Variants in CLASP2 observed in about 807,000 individuals in gnomAD.
CLASP2 encodes the protein cytoplasmic linker associated protein 2, also known as CLIP-associating protein 2.
Under a neutral mutation model 194.4 loss-of-function variants are expected in CLASP2, and 47 were observed. The ratio of observed to expected loss-of-function variants is 0.24; its 90% CI spans 0.19 to 0.31. The LOEUF is 0.31. CLASP2 is among the 10% of genes least tolerant of loss of function. CLASP2 has a pLI of 1.00. For synonymous variants in CLASP2, 619 were observed against 633.5 expected (o/e 0.98, Z 0.34); for missense variants, 1,445 against 1,823.6 (o/e 0.79, Z 3.78).
At chr3:33,641,045 A>G (rs1234906471) in intron 8 of CLASP2, among the ~76,000 whole-genome samples, 1 of 152,042 alleles carries the variant, frequency 6.6e-6, no homozygotes, top group Admixed American at 6.6e-5. Context: ...CCCTCTTATT[A>G]GATAAATGAC....
In CLASP2 at chr3:33,688,147, T is replaced by C. The variant is rs184075827; in HGVS notation, c.470+130A>G. ...ACACAAAAAATGAACAGTAAAGGTA[T>C]CAAATGAAGTTATATGCTTTAATAA... is the stretch of plus-strand genomic sequence containing the variant. On this transcript the variant is annotated intron_variant, in intron 4 of 38. Transcript: ENST00000682230. The C allele has an allele frequency of 2.5e-3, 1,479 of 600,248 alleles. 3 individuals carry two copies. The highest frequency in any genetic ancestry group is 3.2e-3 in the Non-Finnish European group (1,146 of 353,736). The allele number at this position is 600,248 out of a possible 1,614,324, so 37.2% of individuals were successfully genotyped here. A position where few individuals can be genotyped will look rare whatever the true frequency, so the allele number is the denominator to read the frequency against.
chr3:33,516,279 T>C (rs1299433597), intron 35 of CLASP2, 128 bp from the exon 36 acceptor site: 2 of 643,920 alleles, frequency 3.1e-6, no homozygotes, highest in East Asian at 6.3e-5. Context: ...AAGTATGCGG[T>C]ATACTATGTA....
At chr3:33,529,984 CAA>C (rs1169927619) in intron 34 of CLASP2, among the ~76,000 whole-genome samples, 12 of 32,242 alleles carry the variant, frequency 3.7e-4, no homozygotes, top group Admixed American at 1.9e-3. Context: ...GACTCCGTCT[CAA>C]AAAAAAAAAA....
At chr3:33,566,196 A>G (rs187159698) in intron 27 of CLASP2, among the ~76,000 whole-genome samples, 2 of 152,358 alleles carry the variant, frequency 1.3e-5, no homozygotes, top group East Asian at 3.9e-4. Context: ...CTATGCTAAT[A>G]TAAAACTAGT....
At position 33,498,580 on chromosome 3, in the gene CLASP2, G is replaced by A. The variant is rs756381198; in HGVS notation, c.*51C>T. The A allele has an allele frequency of 6.9e-5, 76 of 1,106,462 alleles. No homozygotes were observed. Among genetic ancestry groups the A allele is most frequent in the Non-Finnish European group, 1.0e-4 (73 of 728,998 alleles). 68.5% of individuals were successfully genotyped at this position (1,106,462 alleles called of 1,614,324 possible). ...AGAACTTCCTTTCATTGATGAGGGT[G>A]GTCTATCTGTCCTTTCTTTTGAGAG... On this transcript the variant is annotated 3_prime_UTR_variant, in exon 39 of 39. Transcript: ENST00000682230.
chr3:33,505,375 G>A (rs2047893399), intron 37 of CLASP2: 1 of 152,112 alleles, frequency 6.6e-6, no homozygotes, highest in Non-Finnish European at 1.5e-5. Flanking sequence ...CATGGGGGAT[G>A]GTAGGCAGTT....
At chr3:33,584,636 T>C (rs1036053133) in intron 22 of CLASP2, 114 bp downstream of exon 22, 5 of 955,190 alleles carry the variant, frequency 5.2e-6, no homozygotes, top group Non-Finnish European at 5.9e-6. Context: ...TTTAAGTTAT[T>C]TTCTTCTAAT....
chr3:33,681,124 C>CAAAA (rs10710771), intron 6 of CLASP2, among the ~76,000 whole-genome samples: 8 of 96,086 alleles, frequency 8.3e-5, no homozygotes, highest in Middle Eastern at 5.8e-3. Context: ...GACTCCATCT[C>CAAAA]AAAAAAAAAA....
rs1395565888 is a variant in CLASP2 at position 33,497,731 on chromosome 3, G to A, written c.*900C>T. On this transcript the variant is annotated 3_prime_UTR_variant, in exon 39 of 39. Transcript: ENST00000682230. ...GTTTATTACGTGAGAAACAGAAGAC[G>A]GTCAAGGACACACACGCACTTGATT... The A allele has an allele frequency of 2.6e-5, 4 of 152,480 alleles. No homozygotes were observed. Among genetic ancestry groups the A allele is most frequent in the African/African-American group, 9.7e-5 (4 of 41,424 alleles). 9.4% of individuals were successfully genotyped at this position (152,480 alleles called of 1,614,324 possible).
chr3:33,560,751 G>A, intron 28 of CLASP2, 57 bp downstream of exon 28: 1 of 1,450,042 alleles, frequency 6.9e-7, no homozygotes, highest in South Asian at 1.2e-5. Flanking sequence ...TTAACACAGG[G>A]GTTAGATATT....
At chr3:33,640,827 T>C (rs2081146640) in intron 8 of CLASP2, among the ~76,000 whole-genome samples, 1 of 152,060 alleles carries the variant, frequency 6.6e-6, no homozygotes, top group Admixed American at 6.6e-5. Flanking sequence ...TTATTTACAA[T>C]GTAAAAATTA....
chr3:33,539,796 C>T (rs532362757), intron 32 of CLASP2, among the ~76,000 whole-genome samples: 1 of 152,164 alleles, frequency 6.6e-6, no homozygotes, highest in Admixed American at 6.5e-5. Context: ...ACTACCTGAC[C>T]CTTTACAGAA....
At chr3:33,708,893 G>A (rs1284030665) in intron 1 of CLASP2, among the ~76,000 whole-genome samples, 1 of 151,964 alleles carries the variant, frequency 6.6e-6, no homozygotes, top group African/African-American at 2.4e-5. Flanking sequence ...ATCCTAACTG[G>A]TATGAGGTGA....
chr3:33,629,930 A>T (rs903829093), intron 9 of CLASP2, among the ~76,000 whole-genome samples: 3 of 152,166 alleles, frequency 2.0e-5, no homozygotes, highest in African/African-American at 7.2e-5. Context: ...GTGACAGATG[A>T]TTAATTCAGA....
chr3:33,501,560 G>A, intron 38 of CLASP2, 92 bp downstream of exon 38: 1 of 739,962 alleles, frequency 1.4e-6, no homozygotes, highest in Non-Finnish European at 2.4e-6. Context: ...CTTATTAAAT[G>A]CCAAATAAAA....
chr3:33,694,748 A>T (rs998613046), intron 2 of CLASP2, among the ~76,000 whole-genome samples: 1 of 152,174 alleles, frequency 6.6e-6, no homozygotes, highest in Non-Finnish European at 1.5e-5. Context: ...TTCATGTAAA[A>T]CTTCTCAATT....
chr3:33,546,450 A>G (rs1559960631), intron 30 of CLASP2, among the ~76,000 whole-genome samples: 3 of 152,242 alleles, frequency 2.0e-5, no homozygotes, highest in East Asian at 1.9e-4. Context: ...TTGTTTTACT[A>G]GATTTCATAT....
chr3:33,712,739 G>T (rs1408148991), intron 1 of CLASP2, among the ~76,000 whole-genome samples: 1 of 152,032 alleles, frequency 6.6e-6, no homozygotes, highest in East Asian at 1.9e-4. Flanking sequence ...AAGGCGGGTG[G>T]ATCATCTGAG....
At chr3:33,512,689 A>G (rs1316285266) in intron 36 of CLASP2, among the ~76,000 whole-genome samples, 7 of 57,180 alleles carry the variant, frequency 1.2e-4, no homozygotes, top group East Asian at 6.4e-4. Context: ...CATACACTGG[A>G]AAAAAAAAAA....
Sources: gnomAD v4.1 joint callset for allele counts (sites outside exome capture counted in the v4.1 genomes callset) on GRCh38, gnomAD v4.1.1 for gene constraint, MANE v1.5 for transcripts, NCBI Gene and HGNC (gene_info 2026-07-23, HGNC 2026-07-21) for gene names.